Variants in STARD13 observed in about 807,000 individuals in gnomAD.
The protein encoded by STARD13 is StAR related lipid transfer domain containing 13, also known as stAR-related lipid transfer protein 13.
In STARD13, 62 loss-of-function variants were observed where a neutral mutation model predicts 106.4. That is an observed-to-expected ratio of 0.58 (90% CI 0.48 to 0.72). The LOEUF is 0.72. Ranked by LOEUF, STARD13 falls within the 30% of genes least tolerant of loss-of-function variation. The pLI, the probability that STARD13 is intolerant of heterozygous loss-of-function variation, is 0.00. For synonymous variants in STARD13, 565 were observed against 553.0 expected (o/e 1.02, Z -0.31); for missense variants, 1,387 against 1,424.0 (o/e 0.97, Z 0.42).
chr13:33,231,998 A>G (rs1334825788), intron 1 of STARD13, among the ~76,000 whole-genome samples: 1 of 152,206 alleles, frequency 6.6e-6, no homozygotes, highest in Non-Finnish European at 1.5e-5. Context: ...GATTACATGT[A>G]ATACTTGCTT....
the STARD13 span, among the ~76,000 whole-genome samples, chr13:33,621,011 T>C: frequency 6.6e-6 from 1 of 151,814 alleles, no homozygotes; most frequent in Admixed American, 6.6e-5. Flanking sequence ...AGAAAAGTTA[T>C]AATATTAAAT....
chr13:33,182,380 C>T (rs1483378905), intron 1 of STARD13, among the ~76,000 whole-genome samples: 1 of 152,166 alleles, frequency 6.6e-6, no homozygotes, highest in Non-Finnish European at 1.5e-5. Flanking sequence ...TCTGTCTCTT[C>T]CAGTCCCCAT....
At chr13:33,406,737 A>T in the STARD13 span, among the ~76,000 whole-genome samples, 2 of 152,220 alleles carry the variant, frequency 1.3e-5, no homozygotes, top group Non-Finnish European at 2.9e-5. Flanking sequence ...GAAATAACCA[A>T]CAAAAGCACA....
Position 33,129,392 on chromosome 13 carries a change from C to A in STARD13, c.1285G>T (p.Gly429Cys), listed in dbSNP as rs766966058. The A allele has an allele frequency of 1.2e-6, 2 of 1,614,152 alleles. No homozygotes were observed. Among genetic ancestry groups the A allele is most frequent in the South Asian group, 2.2e-5 (2 of 91,074 alleles). ...DSSNGVNWRT[G>C]SISLGREQVP... is the part of the protein sequence containing the mutation. ...TGCTCTCTGCCCAGGGAGATGCTAC[C>A]GGTCCTCCAATTAACCCCATTGCTA... Residue 429 changes from glycine to cysteine, a missense_variant, in exon 5 of 14, where the codon GGT becomes TGT. Gly to Cys is a radical substitution (Grantham distance 159). Transcript: ENST00000336934.
chr13:33,262,662 A>ACAAC (rs5802678), intron 1 of STARD13, among the ~76,000 whole-genome samples: 21 of 114,900 alleles, frequency 1.8e-4, no homozygotes, highest in South Asian at 3.2e-4. Flanking sequence ...ACACACACAC[A>ACAAC]ACACACACAC....
intron 3 of STARD13, among the ~76,000 whole-genome samples, chr13:33,162,911 A>G (rs568604264): frequency 1.3e-5 from 2 of 151,742 alleles, no homozygotes; most frequent in South Asian, 4.2e-4. Context: ...TTTCAGAAAC[A>G]CCCCACTCTC....
the STARD13 span, among the ~76,000 whole-genome samples, chr13:33,406,516 G>A: frequency 6.6e-6 from 1 of 152,112 alleles, no homozygotes; most frequent in Non-Finnish European, 1.5e-5. Context: ...ATTTTTTTGT[G>A]TGTTTCTGTT....
In STARD13 at chr13:33,130,942, T is replaced by C. The variant is rs611031; in HGVS notation, c.388-653A>G. On this transcript the variant is annotated intron_variant, in intron 4 of 13. Transcript: ENST00000336934. The surrounding 1 kb of genome is among the most constrained non-coding windows in gnomAD (Gnocchi z 4.1). Reference sequence around the variant, plus strand: ...CCGGCTACTCTGCATGAGCGTCTTTTTCTGTGGAATCAACTCCGAGTCAGA... The same window carrying C: ...CCGGCTACTCTGCATGAGCGTCTTTCTCTGTGGAATCAACTCCGAGTCAGA... 0.3 allele frequency among the ~76,000 whole-genome samples: 45,317 copies of C among 152,190 alleles called. 8,077 individuals are homozygous for C. The highest frequency in any genetic ancestry group is 0.41 in the Non-Finnish European group (27,840 of 67,986).
At chr13:33,602,194 C>T in the STARD13 span, among the ~76,000 whole-genome samples, 3 of 151,284 alleles carry the variant, frequency 2.0e-5, no homozygotes, top group Non-Finnish European at 4.4e-5. Flanking sequence ...CAGGTTCAAG[C>T]GATTCTTCTG....
At chr13:33,672,315 T>C in the STARD13 span, among the ~76,000 whole-genome samples, 1 of 151,970 alleles carries the variant, frequency 6.6e-6, no homozygotes, top group Non-Finnish European at 1.5e-5. Flanking sequence ...AGCTGAACAA[T>C]GAGAACACAT....
chr13:33,356,848 G>A, the STARD13 span, among the ~76,000 whole-genome samples: 1 of 152,158 alleles, frequency 6.6e-6, no homozygotes, highest in Non-Finnish European at 1.5e-5. Flanking sequence ...CACTGGATGT[G>A]GGAGGTACGA....
chr13:33,559,627 G>A, the STARD13 span, among the ~76,000 whole-genome samples: 3 of 151,358 alleles, frequency 2.0e-5, no homozygotes, highest in Non-Finnish European at 4.4e-5. Flanking sequence ...AGGCCGAGGC[G>A]GGCAGATCAC....
the STARD13 span, among the ~76,000 whole-genome samples, chr13:33,364,814 G>A: frequency 1.3e-5 from 2 of 152,160 alleles, no homozygotes; most frequent in East Asian, 1.9e-4. Flanking sequence ...GCGTGAACCC[G>A]GGAGGCGGAG....
At chr13:33,572,734 A>C in the STARD13 span, among the ~76,000 whole-genome samples, 1 of 152,216 alleles carries the variant, frequency 6.6e-6, no homozygotes, top group Non-Finnish European at 1.5e-5. Flanking sequence ...ACAAAGTTAC[A>C]AAAAGCAAAA....
At chr13:33,141,864 CA>C (rs139780195) in intron 4 of STARD13, among the ~76,000 whole-genome samples, 9,976 of 152,190 alleles carry the variant, frequency 0.066, 437 homozygotes, top group Middle Eastern at 0.11. Context: ...AGATATTTTA[CA>C]TCTTTACGCA....
At chr13:33,630,370 T>C in the STARD13 span, among the ~76,000 whole-genome samples, 1 of 152,152 alleles carries the variant, frequency 6.6e-6, no homozygotes, top group South Asian at 2.1e-4. Flanking sequence ...TCCTACCTCT[T>C]CACCACTTTC....
chr13:33,576,929 A>G, the STARD13 span, among the ~76,000 whole-genome samples: 1 of 152,220 alleles, frequency 6.6e-6, no homozygotes, highest in African/African-American at 2.4e-5. Flanking sequence ...TTTCCGGTTT[A>G]AAGCCACCAG....
chr13:33,310,619 C>A (rs571935996), intron 1 of STARD13, among the ~76,000 whole-genome samples: 1 of 152,060 alleles, frequency 6.6e-6, no homozygotes, highest in African/African-American at 2.4e-5. Context: ...AAACAGACTG[C>A]TTTCTTATTC....
chr13:33,167,486 C>CA (rs1323666330), intron 2 of STARD13, 65 bp downstream of exon 2: 17 of 1,530,824 alleles, frequency 1.1e-5, no homozygotes, highest in Non-Finnish European at 1.5e-5. Flanking sequence ...AAACACACCA[C>CA]AGGATACGTG....
Sources: allele counts gnomAD v4.1 joint callset (sites outside exome capture counted in the v4.1 genomes callset), GRCh38; gene constraint gnomAD v4.1.1; non-coding constraint Gnocchi (gnomAD v3.1); transcripts MANE v1.5; gene names NCBI Gene and HGNC (gene_info 2026-07-23, HGNC 2026-07-21).